Variants in CPA6 observed in about 807,000 individuals in gnomAD.
The protein encoded by CPA6 is carboxypeptidase A6.
A neutral mutation model predicts 63.3 loss-of-function variants in CPA6; 58 were observed. The observed-to-expected ratio is 0.92, with a 90% CI of 0.74 to 1.14. The LOEUF is 1.14. CPA6 is among the 50% of genes most tolerant of loss of function. CPA6 has a pLI of 0.00. For missense variants in CPA6, 565 were observed against 526.6 expected (o/e 1.07, Z -0.71); for synonymous variants, 185 against 179.0 (o/e 1.03, Z -0.27).
At chr8:67,676,463 C>T (rs1480078885) in intron 1 of CPA6, among the ~76,000 whole-genome samples, 1 of 152,198 alleles carries the variant, frequency 6.6e-6, no homozygotes, top group Non-Finnish European at 1.5e-5. Flanking sequence ...ATGTTTTAAG[C>T]TGATGATAGT....
chr8:67,703,441 G>A (rs1000586107), intron 1 of CPA6, among the ~76,000 whole-genome samples: 10 of 152,090 alleles, frequency 6.6e-5, no homozygotes, highest in African/African-American at 2.2e-4. Context: ...ACTAAAATTG[G>A]ATCTTTCCCC....
intron 2 of CPA6, among the ~76,000 whole-genome samples, chr8:67,553,719 T>C (rs954952933): frequency 1.3e-5 from 2 of 152,198 alleles, no homozygotes; most frequent in Non-Finnish European, 2.9e-5. Flanking sequence ...TCTCATCTTG[T>C]AGCTGAAATA....
chr8:67,482,576 A>T (rs1260128428), intron 8 of CPA6, among the ~76,000 whole-genome samples: 2 of 152,192 alleles, frequency 1.3e-5, no homozygotes, highest in Non-Finnish European at 2.9e-5. Flanking sequence ...AGGCTGTTTC[A>T]CCAACTGATC....
intron 1 of CPA6, among the ~76,000 whole-genome samples, chr8:67,692,573 T>A (rs895494859): frequency 2.0e-5 from 3 of 152,236 alleles, no homozygotes; most frequent in Admixed American, 2.0e-4. Context: ...AAGTTTATCT[T>A]TCTTGCTATA....
intron 8 of CPA6, among the ~76,000 whole-genome samples, chr8:67,469,191 T>A (rs1811000308): frequency 6.6e-6 from 1 of 152,216 alleles, no homozygotes; most frequent in Non-Finnish European, 1.5e-5. Context: ...CAAACATTAC[T>A]CTTAATGTTT....
At chr8:67,540,976 G>A (rs892460854) in intron 2 of CPA6, among the ~76,000 whole-genome samples, 6 of 152,158 alleles carry the variant, frequency 3.9e-5, no homozygotes, top group South Asian at 4.1e-4. Flanking sequence ...AGACCACTTG[G>A]CTCCCTGGCT....
At chr8:67,558,570 T>C (rs1025667075) in intron 2 of CPA6, among the ~76,000 whole-genome samples, 3 of 152,222 alleles carry the variant, frequency 2.0e-5, no homozygotes, top group African/African-American at 7.2e-5. Flanking sequence ...ACTTCTATTG[T>C]TCTAAGCCTA....
At chr8:67,616,223 C>T (rs7841258) in intron 2 of CPA6, among the ~76,000 whole-genome samples, 52,856 of 151,990 alleles carry the variant, frequency 0.35, 10,316 homozygotes, top group African/African-American at 0.54. Flanking sequence ...CCTATGTGTA[C>T]CCTGGGTTGG....
At chr8:67,674,653 C>T (rs950266247) in intron 1 of CPA6, among the ~76,000 whole-genome samples, 1 of 152,128 alleles carries the variant, frequency 6.6e-6, no homozygotes, top group Non-Finnish European at 1.5e-5. Context: ...TCCTTCGACC[C>T]AGAAATTTCA....
At chr8:67,537,589 T>TAA (rs1812612271) in intron 2 of CPA6, among the ~76,000 whole-genome samples, 1 of 152,198 alleles carries the variant, frequency 6.6e-6, no homozygotes, top group Admixed American at 6.5e-5. Flanking sequence ...CTCTTTTTTC[T>TAA]TATTAGCCTG....
chr8:67,598,252 G>T (rs1039039810), intron 2 of CPA6, among the ~76,000 whole-genome samples: 10 of 152,108 alleles, frequency 6.6e-5, no homozygotes, highest in African/African-American at 2.4e-4. Context: ...TATCTCTCTG[G>T]ATTTTCATCT....
intron 8 of CPA6, among the ~76,000 whole-genome samples, chr8:67,479,718 T>C (rs1811316873): frequency 6.6e-6 from 1 of 152,198 alleles, no homozygotes; most frequent in Non-Finnish European, 1.5e-5. Flanking sequence ...TTTATTGCTC[T>C]CTTTGCCCCA....
chr8:67,532,881 C>T (rs1812507932), intron 2 of CPA6, among the ~76,000 whole-genome samples: 1 of 152,044 alleles, frequency 6.6e-6, no homozygotes, highest in Non-Finnish European at 1.5e-5. Flanking sequence ...GAAAGATGGG[C>T]ATTGATTAGA....
intron 8 of CPA6, among the ~76,000 whole-genome samples, chr8:67,457,291 A>C (rs973757561): frequency 3.3e-5 from 5 of 152,220 alleles, no homozygotes; most frequent in African/African-American, 1.2e-4. Flanking sequence ...TGCTCTTAAA[A>C]ATTTATTAAG....
chr8:67,501,164 C>A (rs551112834), intron 6 of CPA6, among the ~76,000 whole-genome samples: 1 of 152,136 alleles, frequency 6.6e-6, no homozygotes, highest in East Asian at 1.9e-4. Flanking sequence ...AGTAGAATTG[C>A]CATCTTTACT....
rs113884717 is a variant in CPA6 at position 67,530,452 on chromosome 8, G to A, written c.193-12405C>T. ...ATTTCAGAGGAGTAACGACAAACTA[G>A]TCCTGGGACTTACGTTTCTAGTAAT... On this transcript the variant is annotated intron_variant, in intron 2 of 10. Coordinates refer to ENST00000297770, the MANE Select transcript of CPA6 (RefSeq NM_020361.5). Among the ~76,000 whole-genome samples the A allele has an allele frequency of 2.2e-4, 33 of 152,264 alleles. 1 individual carries two copies. Among genetic ancestry groups the A allele is most frequent in the African/African-American group, 3.4e-4 (14 of 41,550 alleles).
In CPA6 at chr8:67,641,875, A is replaced by C. The variant is rs530018508; in HGVS notation, c.117-17624T>G. ...GAGAGAATTAGCATGGTAAAGTAAT[A>C]TATAATTAAAATTTACATCATTTGA... On this transcript the variant is annotated intron_variant, in intron 1 of 10. Coordinates refer to ENST00000297770, the MANE Select transcript of CPA6 (RefSeq NM_020361.5). 6.6e-5 allele frequency among the ~76,000 whole-genome samples: 10 copies of C among 152,358 alleles called. No individual in the cohort carries two copies. The South Asian group carries it at 2.1e-3, about 32-fold the overall frequency.
chr8:67,476,553 C>CTTTTTT (rs71554607), intron 8 of CPA6, among the ~76,000 whole-genome samples: 161 of 142,030 alleles, frequency 1.1e-3, no homozygotes, highest in African/African-American at 4.1e-3. Flanking sequence ...CTCTCTCTCT[C>CTTTTTT]TTTTTTTTTT....
intron 1 of CPA6, among the ~76,000 whole-genome samples, chr8:67,639,309 C>T (rs1815537335): frequency 6.6e-6 from 1 of 151,648 alleles, no homozygotes; most frequent in Non-Finnish European, 1.5e-5. Flanking sequence ...TGGGCTCCTT[C>T]TGTTCTCTCA....
Sources: gnomAD v4.1 joint callset for allele counts (sites outside exome capture counted in the v4.1 genomes callset) on GRCh38, gnomAD v4.1.1 for gene constraint, MANE v1.5 for transcripts, NCBI Gene and HGNC (gene_info 2026-07-23, HGNC 2026-07-21) for gene names.